Variants in JPH1 observed in about 807,000 individuals in gnomAD.
JPH1 encodes junctophilin 1.
A neutral mutation model predicts 53.6 loss-of-function variants in JPH1; 12 were observed. That is an observed-to-expected ratio of 0.22 (90% CI 0.14 to 0.36). The LOEUF is 0.36. Among genes scored for constraint, JPH1 ranks in the 10% least tolerant of loss-of-function variants. The pLI, the probability that JPH1 is intolerant of heterozygous loss-of-function variation, is 1.00. For missense variants in JPH1, 808 were observed against 905.5 expected (o/e 0.89, Z 1.38); for synonymous variants, 375 against 363.8 (o/e 1.03, Z -0.35).
intron 2 of JPH1, among the ~76,000 whole-genome samples, chr8:74,260,156 G>A (rs1333467613): frequency 2.6e-5 from 4 of 152,202 alleles, no homozygotes; most frequent in Non-Finnish European, 5.9e-5. Context: ...GGTTCCTGAG[G>A]AGCCCATTTA....
chr8:74,254,345 T>G (rs989656066), intron 3 of JPH1, among the ~76,000 whole-genome samples: 5 of 151,882 alleles, frequency 3.3e-5, no homozygotes, highest in Admixed American at 6.6e-5. Flanking sequence ...ATTCAACAAC[T>G]CTTCATGCTA....
chr8:74,253,739 C>T (rs1451761152), intron 3 of JPH1, among the ~76,000 whole-genome samples: 2 of 152,068 alleles, frequency 1.3e-5, no homozygotes, highest in African/African-American at 4.8e-5. Context: ...GAAATACAAA[C>T]TACCATCAGA....
intron 2 of JPH1, among the ~76,000 whole-genome samples, chr8:74,280,853 G>T (rs962857833): frequency 1.5e-4 from 23 of 152,092 alleles, no homozygotes; most frequent in African/African-American, 5.6e-4. Context: ...TAGGAACTTT[G>T]CTAAGCACTT....
rs1333926575 is a variant in JPH1 at position 74,244,789 on chromosome 8, G to T, written c.1645C>A (p.Gln549Lys). 6.2e-7 allele frequency: 1 copy of T among 1,614,196 alleles called. No individual in the cohort carries two copies. Among genetic ancestry groups the T allele is most frequent in the Non-Finnish European group, 8.5e-7 (1 of 1,180,046 alleles). Residue 549 changes from glutamine (Q) to lysine (K), a missense_variant, in exon 4 of 6, where the codon CAG (glutamine) becomes AAG (lysine). Around this residue, in one of 2 missense-constraint regions of JPH1, gnomAD observed 756 missense variants for 811.9 expected, o/e 0.93. Transcript: ENST00000342232. Reference sequence around the variant, plus strand: ...AGCTTCACGTAGTAGCCGTGATACTGAGAATGCAGCTCCCCGTTACTGGGG... The same window carrying T: ...AGCTTCACGTAGTAGCCGTGATACTTAGAATGCAGCTCCCCGTTACTGGGG... ...PNPSNGELHS[Q>K]YHGYYVKLNA...
rs778482483 is a variant in JPH1, at chr8:74,301,130, C to T, written c.1139+13731G>A. Among the ~76,000 whole-genome samples, 4 of 152,186 alleles carry T rather than the reference C, an allele frequency of 2.6e-5. 1 individual carries two copies. In the South Asian group the frequency reaches 8.3e-4, roughly 32 times the overall value. On this transcript the variant is annotated intron_variant, in intron 2 of 5. Transcript: ENST00000342232. ...ACTACTTGCAGTCCATCAAGTCCTG[C>T]TAATTTTATCCCTTTTGTCTCTGCC...
chr8:74,300,368 T>C (rs557134861), intron 2 of JPH1, among the ~76,000 whole-genome samples: 1 of 152,178 alleles, frequency 6.6e-6, no homozygotes, highest in Non-Finnish European at 1.5e-5. Context: ...CCCATGTACA[T>C]GCATTTTCTC....
chr8:74,321,361 C>T lies in JPH1; in HGVS notation c.-74G>A. On this transcript the variant is annotated 5_prime_UTR_variant, in exon 1 of 6. Coordinates refer to ENST00000342232, the MANE Select transcript of JPH1 (RefSeq NM_020647.4). This position sits in a 1 kb window ranked among gnomAD's most constrained non-coding sequence, Gnocchi z 4.3. ...GTGCTGGGCACGGCAGGGTGTAGCT[C>T]GGGGGTGGGGGCCCGGCGGGCGAGC... 1 of 1,374,916 alleles carries T rather than the reference C, an allele frequency of 7.3e-7. No homozygotes were observed. Among genetic ancestry groups the T allele is most frequent in the South Asian group, 1.6e-5 (1 of 62,110 alleles). The allele number at this position is 1,374,916 out of a possible 1,614,324, so 85.2% of individuals were successfully genotyped here.
chr8:74,277,307 G>A (rs1806877345), intron 2 of JPH1, among the ~76,000 whole-genome samples: 1 of 152,114 alleles, frequency 6.6e-6, no homozygotes, highest in Non-Finnish European at 1.5e-5. Flanking sequence ...AGCTGTCTTG[G>A]CACCTGTAAT....
chr8:74,290,621 A>T (rs1473878016), intron 2 of JPH1, among the ~76,000 whole-genome samples: 2 of 152,204 alleles, frequency 1.3e-5, no homozygotes, highest in African/African-American at 4.8e-5. Context: ...ACAGAATTGG[A>T]AAAAACTACT....
chr8:74,245,540 C>T (rs1805836764), intron 3 of JPH1, among the ~76,000 whole-genome samples: 1 of 152,166 alleles, frequency 6.6e-6, no homozygotes, highest in Non-Finnish European at 1.5e-5. Flanking sequence ...AAGCTGACTA[C>T]TGTAAGCATC....
At position 74,245,047 on chromosome 8, in the gene JPH1, G is replaced by C; in HGVS notation, c.1387C>G (p.Pro463Ala). The C allele has an allele frequency of 1.2e-6, 2 of 1,613,928 alleles. No homozygotes were observed. The highest frequency in any genetic ancestry group is 1.7e-6 in the Non-Finnish European group (2 of 1,179,986). The change falls in exon 4 of 6, where the codon CCA becomes GCA. Residue 463 changes from proline (P) to alanine (A), a missense_variant. Coordinates refer to ENST00000342232, the MANE Select transcript of JPH1 (RefSeq NM_020647.4). ...PHFYRKGTTPPRSPEASPKHS... is the reference protein window; with the variant it reads ...PHFYRKGTTPARSPEASPKHS... ...TTGGGACTTGCCTCAGGAGATCTTG[G>C]GGGTGTCGTGCCTTTGCGATAAAAA...
At chr8:74,239,095 C>T (rs1007475956) in intron 4 of JPH1, among the ~76,000 whole-genome samples, 5 of 152,160 alleles carry the variant, frequency 3.3e-5, no homozygotes, top group African/African-American at 1.2e-4. Flanking sequence ...AGAAGAAAAG[C>T]ATCAGTTCCT....
intron 1 of JPH1, among the ~76,000 whole-genome samples, chr8:74,318,245 A>G (rs1326496130): frequency 2.6e-5 from 4 of 152,186 alleles, no homozygotes; most frequent in Non-Finnish European, 5.9e-5. Context: ...TACTTTTACC[A>G]GTTTTAAACT....
intron 2 of JPH1, among the ~76,000 whole-genome samples, chr8:74,283,169 A>G (rs887986347): frequency 6.6e-6 from 1 of 152,184 alleles, no homozygotes; most frequent in African/African-American, 2.4e-5. Context: ...GGCTGCATGG[A>G]TAAATCTTAA....
At chr8:74,255,282 C>T (rs1468327280) in intron 3 of JPH1, among the ~76,000 whole-genome samples, 1 of 151,984 alleles carries the variant, frequency 6.6e-6, no homozygotes, top group African/African-American at 2.4e-5. Flanking sequence ...TTGACAAAAA[C>T]AAGAAATGGG....
intron 4 of JPH1, among the ~76,000 whole-genome samples, chr8:74,238,804 C>T (rs973026716): frequency 1.4e-4 from 22 of 152,240 alleles, no homozygotes; most frequent in African/African-American, 4.1e-4. Flanking sequence ...ACCAACAGTG[C>T]GTGCTATCAA....
intron 4 of JPH1, among the ~76,000 whole-genome samples, chr8:74,244,196 A>G (rs1805781217): frequency 6.6e-6 from 1 of 152,182 alleles, no homozygotes. Context: ...CTTTCCAGCA[A>G]TCAGAGAGCA....
intron 2 of JPH1, among the ~76,000 whole-genome samples, chr8:74,280,518 TA>T (rs1188306510): frequency 6.6e-6 from 1 of 152,086 alleles, no homozygotes; most frequent in Non-Finnish European, 1.5e-5. Context: ...CCTTTCTTAT[TA>T]GTGATGAAAT....
At chr8:74,268,807 T>C (rs769857735) in intron 2 of JPH1, among the ~76,000 whole-genome samples, 15 of 152,146 alleles carry the variant, frequency 9.9e-5, no homozygotes, top group Non-Finnish European at 1.8e-4. Flanking sequence ...TTCAAGACTG[T>C]ATAATGGGCA....
Sources: gnomAD v4.1 joint callset for allele counts (sites outside exome capture counted in the v4.1 genomes callset) on GRCh38, gnomAD v4.1.1 for gene constraint, gnomAD v4.1.1 regional missense constraint, Gnocchi (gnomAD v3.1) non-coding constraint, MANE v1.5 for transcripts, NCBI Gene and HGNC (gene_info 2026-07-23, HGNC 2026-07-21) for gene names.